The following TENM4 variants were observed in gnomAD, a reference collection of about 807,000 sequenced individuals.
TENM4 encodes teneurin-4.
In TENM4, 82 loss-of-function variants were observed where a neutral mutation model predicts 243.3. That is an observed-to-expected ratio of 0.34 (90% CI 0.28 to 0.40). The LOEUF (loss-of-function observed/expected upper bound fraction) is 0.40. TENM4 is among the 10% of genes least tolerant of loss of function. The pLI is 1.00. For synonymous variants in TENM4, 1,412 were observed against 1,456.3 expected (o/e 0.97, Z 0.69); for missense variants, 3,138 against 3,673.3 (o/e 0.85, Z 3.77).
At chr11:79,263,286 G>A (rs554445816) in intron 2 of TENM4, among the ~76,000 whole-genome samples, 31 of 152,340 alleles carry the variant, frequency 2.0e-4, no homozygotes, top group African/African-American at 6.5e-4. Flanking sequence ...CTGAGAAGAA[G>A]GAAGCTGAGT....
intron 6 of TENM4, among the ~76,000 whole-genome samples, chr11:79,046,303 C>T (rs950238699): frequency 2.6e-5 from 4 of 152,154 alleles, no homozygotes; most frequent in East Asian, 3.8e-4. Flanking sequence ...CAGAACAAAA[C>T]GGTTTCTTCT....
intron 1 of TENM4, among the ~76,000 whole-genome samples, chr11:79,343,207 A>G (rs578575): frequency 0.39 from 59,380 of 152,106 alleles, 12,071 homozygotes; most frequent in South Asian, 0.56. Context: ...ACCACTAAGC[A>G]CTCTGTGCCC....
chr11:79,302,606 A>C (rs1207127946), intron 1 of TENM4, among the ~76,000 whole-genome samples: 2 of 152,206 alleles, frequency 1.3e-5, no homozygotes, highest in Non-Finnish European at 2.9e-5. Context: ...TGTATTTATG[A>C]ATATTTTCTG....
chr11:78,692,520 G>A (rs1176501722), intron 28 of TENM4, among the ~76,000 whole-genome samples: 1 of 152,036 alleles, frequency 6.6e-6, no homozygotes, highest in African/African-American at 2.4e-5. Context: ...TCTTCCCAGG[G>A]CCCCCAGGAC....
intron 11 of TENM4, among the ~76,000 whole-genome samples, chr11:78,855,370 G>A (rs1237814957): frequency 6.6e-6 from 1 of 152,154 alleles, no homozygotes; most frequent in Non-Finnish European, 1.5e-5. Context: ...TTGGTAATAT[G>A]TCAGTCATCC....
intron 6 of TENM4, among the ~76,000 whole-genome samples, chr11:78,994,224 A>T (rs1407870280): frequency 6.6e-6 from 1 of 152,188 alleles, no homozygotes; most frequent in Admixed American, 6.5e-5. Context: ...GAATGTCAGC[A>T]TGCAGCTGCT....
At chr11:79,027,877 A>T (rs1859121106) in intron 6 of TENM4, among the ~76,000 whole-genome samples, 1 of 152,202 alleles carries the variant, frequency 6.6e-6, no homozygotes, top group Non-Finnish European at 1.5e-5. Flanking sequence ...GCCTCAATTC[A>T]GCCCCCTAAC....
intron 19 of TENM4, among the ~76,000 whole-genome samples, chr11:78,745,215 T>TTTTTTC: frequency 6.7e-6 from 1 of 149,844 alleles, no homozygotes; most frequent in African/African-American, 2.5e-5. Context: ...CCTCTTTCTT[T>TTTTTTC]TTTTTCTTTT....
chr11:78,917,470 C>A (rs1416197697), intron 6 of TENM4, among the ~76,000 whole-genome samples: 3 of 152,188 alleles, frequency 2.0e-5, no homozygotes, highest in African/African-American at 7.2e-5. Flanking sequence ...TCATTTACGA[C>A]TGACCACATG....
chr11:78,815,460 C>T (rs75123140), intron 12 of TENM4, among the ~76,000 whole-genome samples: 1 of 152,192 alleles, frequency 6.6e-6, no homozygotes, highest in Non-Finnish European at 1.5e-5. Context: ...GTCATGCCCC[C>T]CTTTTGCAGA....
intron 1 of TENM4, among the ~76,000 whole-genome samples, chr11:79,423,521 A>G (rs914959062): frequency 9.5e-5 from 14 of 147,046 alleles, no homozygotes; most frequent in Admixed American, 3.4e-4. Flanking sequence ...CCAGCTCTGA[A>G]TGCTTACAAG....
chr11:78,987,417 A>G (rs897130866), intron 6 of TENM4, among the ~76,000 whole-genome samples: 6 of 152,254 alleles, frequency 3.9e-5, no homozygotes, highest in Non-Finnish European at 8.8e-5. Context: ...TCCACACCAC[A>G]TGATTCTGTT....
At chr11:79,342,210 A>G (rs17828949) in intron 1 of TENM4, among the ~76,000 whole-genome samples, 6,806 of 152,324 alleles carry the variant, frequency 0.045, 192 homozygotes, top group Middle Eastern at 0.085. Context: ...GAATGCAGAT[A>G]TGGAGAGGTC....
intron 2 of TENM4, among the ~76,000 whole-genome samples, chr11:79,257,679 T>C (rs1216818331): frequency 6.6e-6 from 1 of 152,146 alleles, no homozygotes; most frequent in Non-Finnish European, 1.5e-5. Context: ...CCTCCTCTAG[T>C]AGAGGTTTCT....
At position 78,879,841 on chromosome 11, in the gene TENM4, C is replaced by G. The variant is rs571417183; in HGVS notation, c.1084+9944G>C. On this transcript the variant is annotated intron_variant, in intron 9 of 33. Coordinates refer to ENST00000278550, the MANE Select transcript of TENM4 (RefSeq NM_001098816.3). Reference sequence around the variant, plus strand: ...ATCTGGGAGGTGAGGAGCACCTCTGCCTGGCTGCCCCGTCTGGGAACTGAG... The same window carrying G: ...ATCTGGGAGGTGAGGAGCACCTCTGGCTGGCTGCCCCGTCTGGGAACTGAG... Among the ~76,000 whole-genome samples the G allele has an allele frequency of 1.6e-4, 25 of 151,792 alleles. No homozygotes were observed. In the South Asian group the frequency reaches 4.6e-3, roughly 28 times the overall value.
intron 3 of TENM4, among the ~76,000 whole-genome samples, chr11:79,194,118 G>C (rs1590784583): frequency 6.6e-6 from 1 of 151,882 alleles, no homozygotes; most frequent in African/African-American, 2.4e-5. Context: ...GGGGGTTTTT[G>C]CTTTTACTTC....
chr11:79,341,266 A>G (rs2135461010), intron 1 of TENM4, among the ~76,000 whole-genome samples: 1 of 152,298 alleles, frequency 6.6e-6, no homozygotes, highest in Middle Eastern at 3.4e-3. Flanking sequence ...CATAGCAGCG[A>G]TGGGAAACTG....
rs771556118 is a variant in TENM4 at position 78,720,382 on chromosome 11, T to C, written c.3809A>G (p.Asp1270Gly). Residue 1270 changes from aspartate (D) to glycine (G), a missense_variant, in exon 25 of 34, where the codon GAT becomes GGT. Asp to Gly is a moderately conservative substitution (Grantham distance 94). Transcript: ENST00000278550. ...CTGGTTGGCTTACCTATGTCTGAAA[T>C]CTTTATTTCTGACAGAAGACAGGAG... ...VTNILELRNK[D>G]FRHSHSPAHK... 5.0e-6 allele frequency: 8 copies of C among 1,613,922 alleles called. No individual in the cohort carries two copies. In the South Asian group the frequency reaches 8.8e-5, roughly 18 times the overall value.
At chr11:79,264,247 C>A (rs941160036) in intron 2 of TENM4, among the ~76,000 whole-genome samples, 1 of 152,116 alleles carries the variant, frequency 6.6e-6, no homozygotes, top group Non-Finnish European at 1.5e-5. Flanking sequence ...TACCCGGGCT[C>A]AACATCTATC....
Sources: gnomAD v4.1 joint callset for allele counts (sites outside exome capture counted in the v4.1 genomes callset) on GRCh38, gnomAD v4.1.1 for gene constraint, MANE v1.5 for transcripts, NCBI Gene and HGNC (gene_info 2026-07-23, HGNC 2026-07-21) for gene names.